Variants in APBA1 observed in about 807,000 individuals in gnomAD.
The protein encoded by APBA1 is amyloid-beta A4 precursor protein-binding family A member 1.
In APBA1, 55 loss-of-function variants were observed where a neutral mutation model predicts 86.6. The ratio of observed to expected loss-of-function variants is 0.64; its 90% CI spans 0.51 to 0.80. The LOEUF (loss-of-function observed/expected upper bound fraction) is 0.80. Among genes scored for constraint, APBA1 ranks in the 30% least tolerant of loss-of-function variants. APBA1 has a pLI of 0.00. For missense variants in APBA1, 1,090 were observed against 1,183.0 expected (o/e 0.92, Z 1.15); for synonymous variants, 511 against 493.9 (o/e 1.03, Z -0.46).
intron 11 of APBA1, among the ~76,000 whole-genome samples, chr9:69,433,274 AC>A (rs553938871): frequency 6.4e-4 from 97 of 152,324 alleles, no homozygotes; most frequent in South Asian, 1.9e-3. Context: ...TACCACAGTG[AC>A]CCGAGGTTGC....
chr9:69,609,805 T>C (rs1227001051), intron 1 of APBA1, among the ~76,000 whole-genome samples: 2 of 152,140 alleles, frequency 1.3e-5, no homozygotes, highest in African/African-American at 2.4e-5. Flanking sequence ...GTTGTTGTTG[T>C]TGTTGTTGTT....
chr9:69,447,007 G>A (rs1221007087), intron 10 of APBA1, among the ~76,000 whole-genome samples: 2 of 152,188 alleles, frequency 1.3e-5, no homozygotes, highest in African/African-American at 4.8e-5. Context: ...TCTGGAGGCT[G>A]GAAGTCTGAG....
intron 4 of APBA1, among the ~76,000 whole-genome samples, chr9:69,469,667 G>C (rs1469849762): frequency 6.6e-6 from 1 of 152,098 alleles, no homozygotes; most frequent in African/African-American, 2.4e-5. Flanking sequence ...GATGGATTCG[G>C]GCTATATATG....
At chr9:69,646,321 A>G (rs1305941010) in intron 1 of APBA1, among the ~76,000 whole-genome samples, 1 of 152,178 alleles carries the variant, frequency 6.6e-6, no homozygotes, top group East Asian at 1.9e-4. Context: ...TCTGCCATGC[A>G]TGTGTCATTC....
chr9:69,454,560 G>C (rs1835064419), intron 8 of APBA1, among the ~76,000 whole-genome samples: 1 of 152,222 alleles, frequency 6.6e-6, no homozygotes, highest in Admixed American at 6.5e-5. Context: ...AAGGACTCAA[G>C]CTCAGCTTGC....
chr9:69,431,273 AAC>A lies in APBA1; in HGVS notation c.*52_*53del. On this transcript the variant is annotated 3_prime_UTR_variant, in exon 13 of 13. Coordinates refer to ENST00000265381, the MANE Select transcript of APBA1 (RefSeq NM_001163.4). ...GTGGACACAGGGATGCAGCACGAGAAACACAACCACGAAGAGGAGAGTCCTCC... is the reference window on the plus strand; with the variant it reads ...GTGGACACAGGGATGCAGCACGAGAAACAACCACGAAGAGGAGAGTCCTCC... 2.8e-6 allele frequency: 4 copies of A among 1,442,188 alleles called. No individual in the cohort carries two copies. The Admixed American group carries it at 6.6e-5, about 24-fold the overall frequency. The allele number at this position is 1,442,188 out of a possible 1,614,324, so 89.3% of individuals were successfully genotyped here. A position where few individuals can be genotyped will look rare whatever the true frequency, so the allele number is the denominator to read the frequency against.
intron 2 of APBA1, among the ~76,000 whole-genome samples, chr9:69,506,380 C>A (rs1490826009): frequency 7.6e-6 from 1 of 131,746 alleles, no homozygotes; most frequent in Non-Finnish European, 1.6e-5. Context: ...AACCGCGCAC[C>A]ACGAGATTAT....
At chr9:69,596,958 A>T (rs1822241463) in intron 1 of APBA1, among the ~76,000 whole-genome samples, 1 of 152,236 alleles carries the variant, frequency 6.6e-6, no homozygotes, top group South Asian at 2.1e-4. Context: ...GCTCCCAGCC[A>T]TTTAGTGGGG....
At chr9:69,645,129 A>C (rs2134011135) in intron 1 of APBA1, among the ~76,000 whole-genome samples, 1 of 152,306 alleles carries the variant, frequency 6.6e-6, no homozygotes, top group East Asian at 1.9e-4. Flanking sequence ...TGACAGTTTA[A>C]GATCGATGTT....
At position 69,658,304 on chromosome 9, in the gene APBA1, C is replaced by CTCTT. The variant is rs202185776; in HGVS notation, c.-70+13845_-70+13848dup. On this transcript the variant is annotated intron_variant, in intron 1 of 12. Transcript: ENST00000265381. ...TCTTTCTCTCTCTCTTTCTCTCTCT[C>CTCTT]TCTTTCTTTCTTTCTTTCTTTCTTT... Among the ~76,000 whole-genome samples, 480 of 79,878 alleles carry CTCTT rather than the reference C, an allele frequency of 6.0e-3. 4 individuals carry two copies. The highest frequency in any genetic ancestry group is 0.02 in the Admixed American group (149 of 7,598). 52.4% of individuals were successfully genotyped at this position (79,878 alleles called of 152,430 possible).
At chr9:69,555,141 T>C (rs1836843144) in intron 1 of APBA1, among the ~76,000 whole-genome samples, 1 of 151,924 alleles carries the variant, frequency 6.6e-6, no homozygotes. Flanking sequence ...TTCCAAAGAG[T>C]AGTAGATTAT....
At position 69,467,828 on chromosome 9, in the gene APBA1, T is replaced by A. The variant is rs1187418054; in HGVS notation, c.1477A>T (p.Ile493Phe). 1.2e-6 allele frequency: 2 copies of A among 1,614,218 alleles called. No homozygotes were observed. The highest frequency in any genetic ancestry group is 2.2e-5 in the South Asian group (2 of 91,082). The change falls in exon 5 of 13, where the codon ATC becomes TTC. Residue 493 changes from isoleucine (I) to phenylalanine (F), a missense_variant. By Grantham distance (21) the Ile-to-Phe change is conservative. Coordinates refer to ENST00000265381, the MANE Select transcript of APBA1 (RefSeq NM_001163.4). ...GAGCACCCAGATGTCCTCACCTTGA[T>A]CCTGCTTACGGCTTCCTGGGCCTGC... ...MMQAQEAVSRIKMAQKLAKSR... is the reference protein window; with the variant it reads ...MMQAQEAVSRFKMAQKLAKSR...
intron 2 of APBA1, among the ~76,000 whole-genome samples, chr9:69,485,471 A>T (rs1693223295): frequency 6.6e-6 from 1 of 152,140 alleles, no homozygotes; most frequent in African/African-American, 2.4e-5. Context: ...TTGGAGGCAA[A>T]ATTTAGGCAA....
Position 69,452,262 on chromosome 9 carries a change from C to A in APBA1, c.1828G>T (p.Val610Leu). The change falls in exon 9 of 13, where the codon GTG becomes TTG. Residue 610 changes from valine to leucine, a missense_variant. Around this residue, in one of 6 missense-constraint regions of APBA1, gnomAD observed 97 missense variants for 166.8 expected, o/e 0.58. Coordinates refer to ENST00000265381, the MANE Select transcript of APBA1 (RefSeq NM_001163.4). ...IAQSIGQAFS[V>L]AYQEFLRANG... ...GCCCTGAGGAATTCCTGGTATGCCA[C>A]GCTAAATGCCTGTCCGATGGACTGT... 1.2e-6 allele frequency: 2 copies of A among 1,614,206 alleles called. No homozygotes were observed. The highest frequency in any genetic ancestry group is 1.1e-5 in the South Asian group (1 of 91,080).
At chr9:69,505,364 T>G (rs1225415630) in intron 2 of APBA1, among the ~76,000 whole-genome samples, 1 of 152,018 alleles carries the variant, frequency 6.6e-6, no homozygotes, top group African/African-American at 2.4e-5. Context: ...CACGCTTAAC[T>G]TCTAGAGGAT....
intron 1 of APBA1, among the ~76,000 whole-genome samples, chr9:69,600,524 T>A: frequency 6.6e-6 from 1 of 152,150 alleles, no homozygotes; most frequent in East Asian, 1.9e-4. Context: ...GGATGTTGGC[T>A]GGGTGTGGTG....
chr9:69,454,894 C>A (rs1411967623), intron 8 of APBA1, among the ~76,000 whole-genome samples: 1 of 152,154 alleles, frequency 6.6e-6, no homozygotes, highest in African/African-American at 2.4e-5. Context: ...TGCATGTTGG[C>A]CTCAGCTTTA....
chr9:69,512,919 T>C (rs973918835), intron 2 of APBA1, among the ~76,000 whole-genome samples: 2 of 152,064 alleles, frequency 1.3e-5, no homozygotes, highest in African/African-American at 2.4e-5. Flanking sequence ...GGAGAACTAG[T>C]GTTCAGTAAA....
chr9:69,510,559 TG>T (rs1208866204), intron 2 of APBA1, among the ~76,000 whole-genome samples: 1 of 138,576 alleles, frequency 7.2e-6, no homozygotes, highest in Admixed American at 7.4e-5. Context: ...TTCACAGAAT[TG>T]GAAAAAACTA....
Sources: gnomAD v4.1 joint callset for allele counts (sites outside exome capture counted in the v4.1 genomes callset) on GRCh38, gnomAD v4.1.1 for gene constraint, gnomAD v4.1.1 regional missense constraint, MANE v1.5 for transcripts, NCBI Gene and HGNC (gene_info 2026-07-23, HGNC 2026-07-21) for gene names.